CRISPLD2: variants seen among roughly 807,000 people sequenced by gnomAD.
CRISPLD2 encodes the protein cysteine-rich secretory protein LCCL domain-containing 2.
A neutral mutation model predicts 71.1 loss-of-function variants in CRISPLD2; 47 were observed. The observed-to-expected ratio is 0.66, with a 90% CI of 0.52 to 0.84. The LOEUF is 0.84. Ranked by LOEUF, CRISPLD2 falls within the 40% of genes least tolerant of loss-of-function variation. The pLI is 0.00. For synonymous variants in CRISPLD2, 317 were observed against 250.1 expected, an observed-to-expected ratio of 1.27 and a Z score of -2.52; for missense variants, 830 against 651.1, an observed-to-expected ratio of 1.27 and a Z score of -2.99.
At chr16:84,824,398 G>T (rs1916301215) in intron 1 of CRISPLD2, among the ~76,000 whole-genome samples, 5 of 152,226 alleles carry the variant, frequency 3.3e-5, no homozygotes, top group Admixed American at 2.0e-4. Context: ...TCCAAAGTGT[G>T]CAGAGCCAAT....
intron 6 of CRISPLD2, among the ~76,000 whole-genome samples, chr16:84,863,543 T>G (rs1444834662): frequency 6.6e-6 from 1 of 152,192 alleles, no homozygotes; most frequent in African/African-American, 2.4e-5. Context: ...GGAAAGGTGG[T>G]TTGACACCCA....
intron 6 of CRISPLD2, among the ~76,000 whole-genome samples, chr16:84,858,390 C>G (rs1045253932): frequency 1.3e-5 from 2 of 152,210 alleles, no homozygotes; most frequent in Admixed American, 1.3e-4. Context: ...GGCGTTGTGC[C>G]TCTTTCTTGA....
At chr16:84,854,421 C>G (rs904899830) in intron 5 of CRISPLD2, among the ~76,000 whole-genome samples, 1 of 152,154 alleles carries the variant, frequency 6.6e-6, no homozygotes, top group Admixed American at 6.5e-5. Flanking sequence ...GGGGCCCTAA[C>G]AGTGTTCAGA....
At chr16:84,870,083 G>T (rs1454354718) in intron 8 of CRISPLD2, among the ~76,000 whole-genome samples, 1 of 152,194 alleles carries the variant, frequency 6.6e-6, no homozygotes, top group East Asian at 1.9e-4. Flanking sequence ...CCACAGTCTG[G>T]CACACCTGTT....
In CRISPLD2 at chr16:84,838,663, G is replaced by C; in HGVS notation, c.168G>C (p.Lys56Asn). 1.2e-6 allele frequency: 2 copies of C among 1,614,248 alleles called. No homozygotes were observed. The highest frequency in any genetic ancestry group is 1.7e-6 in the Non-Finnish European group (2 of 1,180,046). The part of the protein sequence containing the change: ...RVRRAIPRED[K>N]EEILMLHNKL... ...GCAGAGCCATCCCCAGGGAGGACAA[G>C]GAGGAGATCCTCATGCTGCACAACA... The change falls in exon 2 of 15, where the codon AAG (lysine) becomes AAC (asparagine). Residue 56 changes from lysine to asparagine, a missense_variant. Transcript: ENST00000262424.
chr16:84,853,668 C>T (rs576704040), intron 5 of CRISPLD2, among the ~76,000 whole-genome samples: 3 of 152,346 alleles, frequency 2.0e-5, no homozygotes, highest in Admixed American at 6.5e-5. Flanking sequence ...TGGCAGGGCC[C>T]CTCCCCATCT....
At chr16:84,894,627 A>T (rs1390337986) in intron 14 of CRISPLD2, among the ~76,000 whole-genome samples, 2 of 152,252 alleles carry the variant, frequency 1.3e-5, no homozygotes, top group Admixed American at 1.3e-4. Flanking sequence ...TCTAGAAGCC[A>T]AAGGAAGAAG....
At chr16:84,869,808 C>T (rs547427387) in intron 8 of CRISPLD2, among the ~76,000 whole-genome samples, 125 of 152,376 alleles carry the variant, frequency 8.2e-4, no homozygotes, top group Non-Finnish European at 1.4e-3. Context: ...TTTGTGGCAA[C>T]GCATCTTTCT....
intron 2 of CRISPLD2, among the ~76,000 whole-genome samples, chr16:84,840,216 C>A (rs901925593): frequency 2.0e-5 from 3 of 152,182 alleles, no homozygotes; most frequent in Admixed American, 1.3e-4. Flanking sequence ...TGGGTGATGA[C>A]CCGTGTCTCC....
intron 11 of CRISPLD2, 44 bp from the exon 12 acceptor site, chr16:84,877,394 G>A: frequency 6.3e-7 from 1 of 1,584,750 alleles, no homozygotes; most frequent in Non-Finnish European, 8.7e-7. Context: ...CTGAGGCCCA[G>A]GCGTGCTGGG....
At chr16:84,849,571 AC>A (rs1243261981) in intron 4 of CRISPLD2, 54 bp downstream of exon 4, 3 of 1,556,926 alleles carry the variant, frequency 1.9e-6, no homozygotes, top group South Asian at 1.1e-5. Flanking sequence ...CCAGTCATTC[AC>A]CCCCTGCCCC....
rs12928808 is a variant in CRISPLD2 at position 84,848,601 on chromosome 16, C to T, written c.360-784C>T. Among the ~76,000 whole-genome samples the T allele has an allele frequency of 9.4e-3, 1,438 of 152,194 alleles. 12 individuals carry two copies. Among genetic ancestry groups the T allele is most frequent in the Non-Finnish European group, 0.016 (1,072 of 68,010 alleles). Reference sequence around the variant, plus strand: ...GATTACAGGCATGCACCACCTCGCCCGGCTAATTTTTGTATTTTTAGTAGA... The same window carrying T: ...GATTACAGGCATGCACCACCTCGCCTGGCTAATTTTTGTATTTTTAGTAGA... On this transcript the variant is annotated intron_variant, in intron 3 of 14. Coordinates refer to ENST00000262424, the MANE Select transcript of CRISPLD2 (RefSeq NM_031476.4).
At chr16:84,887,562 C>T (rs1349665290) in intron 13 of CRISPLD2, among the ~76,000 whole-genome samples, 2 of 152,234 alleles carry the variant, frequency 1.3e-5, no homozygotes, top group Non-Finnish European at 2.9e-5. Context: ...TGTCATTCTC[C>T]TGGGGATTCT....
rs184850359 is a variant in CRISPLD2 at position 84,864,223 on chromosome 16, C to T, written c.710-2674C>T. On this transcript the variant is annotated intron_variant, in intron 6 of 14. Coordinates refer to ENST00000262424, the MANE Select transcript of CRISPLD2 (RefSeq NM_031476.4). The stretch of plus-strand genomic sequence containing the variant: ...GAATTTCCCCAGGCCCGTGCTGGGC[C>T]ATACAAGGTGTCTTCATTAGGAGGT... 2.2e-3 allele frequency among the ~76,000 whole-genome samples: 340 copies of T among 152,246 alleles called. 2 individuals are homozygous for T. The highest frequency in any genetic ancestry group is 0.014 in the Admixed American group (208 of 15,298).
chr16:84,888,168 G>A (rs1335565669), intron 13 of CRISPLD2, among the ~76,000 whole-genome samples: 1 of 152,332 alleles, frequency 6.6e-6, no homozygotes, highest in Middle Eastern at 3.4e-3. Context: ...AGGAGAATCC[G>A]TTTTCTTGCC....
chr16:84,848,826 C>T (rs1466030365), intron 3 of CRISPLD2, among the ~76,000 whole-genome samples: 2 of 151,974 alleles, frequency 1.3e-5, no homozygotes, highest in Admixed American at 6.6e-5. Flanking sequence ...TAGTTTTTCT[C>T]CAACGTACCT....
intron 13 of CRISPLD2, among the ~76,000 whole-genome samples, chr16:84,881,169 A>C (rs1044720163): frequency 6.6e-6 from 1 of 152,294 alleles, no homozygotes; most frequent in East Asian, 1.9e-4. Flanking sequence ...CATGCTTCAG[A>C]TAGTTCATTT....
At chr16:84,827,418 C>T (rs1916379481) in intron 1 of CRISPLD2, among the ~76,000 whole-genome samples, 1 of 152,130 alleles carries the variant, frequency 6.6e-6, no homozygotes, top group African/African-American at 2.4e-5. Flanking sequence ...GGCTGCTCAC[C>T]ACCTGGCCCT....
intron 1 of CRISPLD2, among the ~76,000 whole-genome samples, chr16:84,820,814 C>T (rs1310183248): frequency 6.6e-6 from 1 of 152,124 alleles, no homozygotes; most frequent in Non-Finnish European, 1.5e-5. Context: ...TTAGCCAGAG[C>T]GGGCACCTGC....
Sources: gnomAD v4.1 joint callset for allele counts (sites outside exome capture counted in the v4.1 genomes callset) on GRCh38, gnomAD v4.1.1 for gene constraint, MANE v1.5 for transcripts, NCBI Gene and HGNC (gene_info 2026-07-23, HGNC 2026-07-21) for gene names.